XPO5: variants seen among roughly 807,000 people sequenced by gnomAD.
XPO5 encodes exportin-5.
A neutral mutation model predicts 160.6 loss-of-function variants in XPO5; 46 were observed. That is an observed-to-expected ratio of 0.29 (90% CI 0.23 to 0.37). The LOEUF (loss-of-function observed/expected upper bound fraction) is 0.37, where lower values mean the gene tolerates loss of function less well. XPO5 is among the 10% of genes least tolerant of loss of function. XPO5 has a pLI of 1.00. For missense variants in XPO5, 1,090 were observed against 1,463.9 expected (o/e 0.74, Z 4.17); for synonymous variants, 537 against 519.3 (o/e 1.03, Z -0.46).
At chr6:43,530,654 C>G (rs1437940538) in intron 23 of XPO5, 34 bp downstream of exon 23, 1 of 1,604,694 alleles carries the variant, frequency 6.2e-7, no homozygotes, top group Non-Finnish European at 8.5e-7. Flanking sequence ...ATTTTCTGAC[C>G]TTTTGGGTTA....
chr6:43,527,981 C>G (rs1210465481), intron 25 of XPO5, among the ~76,000 whole-genome samples, 178 bp downstream of exon 25: 1 of 152,204 alleles, frequency 6.6e-6, no homozygotes, highest in Non-Finnish European at 1.5e-5. Context: ...GGCTGGATCT[C>G]AGAGTCTGCC....
At chr6:43,526,011 G>A (rs778342832) in intron 27 of XPO5, 90 bp from the exon 28 acceptor site, 323 of 1,461,728 alleles carry the variant, frequency 2.2e-4, no homozygotes, top group Non-Finnish European at 2.9e-4. Context: ...ACAAAGCAAA[G>A]CTGAGTGTTC....
intron 19 of XPO5, 87 bp from the exon 20 acceptor site, chr6:43,546,839 A>T: frequency 7.7e-7 from 1 of 1,292,012 alleles, no homozygotes; most frequent in South Asian, 1.6e-5. Flanking sequence ...AGGTTCTGGC[A>T]AAAGTGACAC....
chr6:43,558,725 C>T, intron 11 of XPO5, 134 bp from the exon 12 acceptor site: 2 of 638,540 alleles, frequency 3.1e-6, no homozygotes, highest in Non-Finnish European at 5.2e-6. Context: ...TGGTAAATAT[C>T]CACTTCAGTT....
At chr6:43,528,247 G>A in intron 24 of XPO5, 42 bp from the exon 25 acceptor site, 1 of 1,548,126 alleles carries the variant, frequency 6.5e-7, no homozygotes, top group Non-Finnish European at 8.8e-7. Flanking sequence ...ATTGGGGAAA[G>A]GATTGGAACA....
chr6:43,524,043 C>G, intron 31 of XPO5, 38 bp from the exon 32 acceptor site: 1 of 1,600,542 alleles, frequency 6.2e-7, no homozygotes, highest in African/African-American at 1.3e-5. Flanking sequence ...ATGCTGGGCC[C>G]TCAGTAGTAG....
intron 20 of XPO5, among the ~76,000 whole-genome samples, chr6:43,536,644 C>T (rs1794340459): frequency 6.6e-6 from 1 of 150,736 alleles, no homozygotes; most frequent in Admixed American, 6.6e-5. Flanking sequence ...CTGTAAATCC[C>T]AGCTACTCAG....
In XPO5 at chr6:43,560,311, G is replaced by GA. The variant is rs771450577; in HGVS notation, c.1096-9dup. 3.7e-3 allele frequency: 5,023 copies of GA among 1,349,796 alleles called. No individual in the cohort carries two copies. Among genetic ancestry groups the GA allele is most frequent in the South Asian group, 7.9e-3 (524 of 66,108 alleles). The allele number at this position is 1,349,796 out of a possible 1,614,324, so 83.6% of individuals were successfully genotyped here. A position where few individuals can be genotyped will look rare whatever the true frequency, so the allele number is the denominator to read the frequency against. On this transcript the variant is annotated splice_polypyrimidine_tract_variant and intron_variant, in intron 10 of 31. Transcript: ENST00000265351. ...AGTTGAAGAGCGTAGAAACTAAAGAGAAAAAAAAAAGAAAACGTCAAAGGA... is the reference window on the plus strand; with the variant it reads ...AGTTGAAGAGCGTAGAAACTAAAGAGAAAAAAAAAAAGAAAACGTCAAAGGA...
chr6:43,570,812 G>A (rs1762973589), intron 4 of XPO5, 45 bp downstream of exon 4: 1 of 1,557,772 alleles, frequency 6.4e-7, no homozygotes, highest in South Asian at 1.2e-5. Flanking sequence ...CCTGAAGTTT[G>A]TTCCAAGGAA....
At position 43,531,495 on chromosome 6, in the gene XPO5, T is replaced by C. The variant is rs1582201615; in HGVS notation, c.2524A>G (p.Thr842Ala). 1.2e-6 allele frequency: 2 copies of C among 1,613,736 alleles called. No homozygotes were observed. Among genetic ancestry groups the C allele is most frequent in the African/African-American group, 2.7e-5 (2 of 75,022 alleles). The change falls in exon 22 of 32, where the codon ACC (threonine) becomes GCC (alanine). Residue 842 changes from threonine to alanine, a missense_variant. By Grantham distance (58) the Thr-to-Ala change is moderately conservative. This residue lies in a region of XPO5 where 810 missense variants were observed against 1,139.0 expected (regional missense o/e 0.71). Coordinates refer to ENST00000265351, the MANE Select transcript of XPO5 (RefSeq NM_020750.3). ...VLERMQRFFS[T>A]LYENCFHILG... ...GTTCCTTACCAGTTTTCATAGAGGG[T>C]AGAGAAGAAACGCTGCATTCTTTCC...
intron 7 of XPO5, 111 bp from the exon 8 acceptor site, chr6:43,565,847 A>G (rs1762670272): frequency 5.0e-6 from 4 of 792,924 alleles, no homozygotes; most frequent in Non-Finnish European, 7.7e-6. Context: ...TATATACCCC[A>G]GGGTTTAGTG....
chr6:43,565,619 C>G, intron 8 of XPO5, 41 bp downstream of exon 8: 1 of 1,444,676 alleles, frequency 6.9e-7, no homozygotes, highest in Non-Finnish European at 9.3e-7. Context: ...AGAAAAATGA[C>G]AAAGAAATTA....
At chr6:43,538,657 CTA>C (rs1161390157) in intron 20 of XPO5, among the ~76,000 whole-genome samples, 2 of 152,072 alleles carry the variant, frequency 1.3e-5, no homozygotes, top group African/African-American at 4.8e-5. Context: ...ATTTTCGTCT[CTA>C]TGTTTACAAG....
intron 7 of XPO5, chr6:43,566,606 C>T (rs988010778): frequency 2.2e-5 from 9 of 413,544 alleles, no homozygotes; most frequent in Admixed American, 7.3e-5. Flanking sequence ...CTCAGGAGTT[C>T]GAGAAGAGCC....
Position 43,526,692 on chromosome 6 carries a change from A to G in XPO5, c.2976T>C (p.Asp992=), listed in dbSNP as rs199826017. 301 of 1,613,966 alleles carry G rather than the reference A, an allele frequency of 1.9e-4. No homozygotes were observed. Among genetic ancestry groups the G allele is most frequent in the Admixed American group, 4.2e-4 (25 of 60,012 alleles). The change falls in exon 27 of 32, where the codon GAT becomes GAC. Residue 992 remains aspartate (D), a synonymous_variant. Transcript: ENST00000265351. ...TCTCACAGGCTCACTTACCGTCTCC[A>G]TCTGCTGGGGGAGCACTACTGTGGT... is the stretch of plus-strand genomic sequence containing the variant. The part of the protein sequence containing the change: ...GADHSSAPPA[D]GDDEEMMATE...
At chr6:43,570,046 C>G (rs775012133) in intron 5 of XPO5, among the ~76,000 whole-genome samples, 1 of 135,778 alleles carries the variant, frequency 7.4e-6, no homozygotes, top group Admixed American at 7.8e-5. Flanking sequence ...AGGCCAGGTG[C>G]CGTGGCTCAC....
At chr6:43,573,063 A>G (rs1763091234) in intron 2 of XPO5, among the ~76,000 whole-genome samples, 1 of 152,198 alleles carries the variant, frequency 6.6e-6, no homozygotes, top group Admixed American at 6.5e-5. Context: ...TTCTCATACA[A>G]TCCTGCTTTG....
chr6:43,536,425 AAAAGT>A (rs1794328003), intron 20 of XPO5, among the ~76,000 whole-genome samples: 2 of 150,820 alleles, frequency 1.3e-5, no homozygotes, highest in African/African-American at 4.9e-5. Context: ...GACAAAAAAA[AAAAGT>A]CATTCACTAA....
intron 15 of XPO5, 81 bp downstream of exon 15, chr6:43,551,217 C>A: frequency 7.2e-7 from 1 of 1,381,502 alleles, no homozygotes; most frequent in Non-Finnish European, 9.5e-7. Flanking sequence ...GTAGCAAGAT[C>A]CTGTCTCCAA....
Sources: allele counts gnomAD v4.1 joint callset (sites outside exome capture counted in the v4.1 genomes callset), GRCh38; gene constraint gnomAD v4.1.1; regional missense constraint gnomAD v4.1.1; transcripts MANE v1.5; gene names NCBI Gene and HGNC (gene_info 2026-07-23, HGNC 2026-07-21).